EXOC4: variants seen among roughly 807,000 people sequenced by gnomAD.
The protein encoded by EXOC4 is SEC8-like 1.
EXOC4 carries 71 observed loss-of-function variants against 107.2 expected under a neutral mutation model. That is an observed-to-expected ratio of 0.66 (90% CI 0.55 to 0.81). EXOC4 has a LOEUF of 0.81. EXOC4 is among the 30% of genes least tolerant of loss of function. The pLI is 0.00. For missense variants in EXOC4, 1,108 were observed against 1,189.6 expected, an observed-to-expected ratio of 0.93 and a Z score of 1.01; for synonymous variants, 456 against 441.2, an observed-to-expected ratio of 1.03 and a Z score of -0.42.
At chr7:133,345,055 G>C (rs1795753358) in intron 5 of EXOC4, among the ~76,000 whole-genome samples, 3 of 152,128 alleles carry the variant, frequency 2.0e-5, no homozygotes, top group Admixed American at 2.0e-4. Context: ...AGGAAATATT[G>C]AAAGATGGAG....
intron 4 of EXOC4, among the ~76,000 whole-genome samples, chr7:133,316,070 A>G (rs973078284): frequency 6.6e-6 from 1 of 152,214 alleles, no homozygotes; most frequent in Non-Finnish European, 1.5e-5. Context: ...ACTCTTTAAC[A>G]CAGTGTGAAA....
At position 133,997,543 on chromosome 7, in the gene EXOC4, C is replaced by CAA. The variant is rs1208998913; in HGVS notation, c.2259_2260insAA (p.Glu754LysfsTer30). ...ACGAACACGGATCTCCCCCCAGTGT[C>CAA]AGAGCAGATCATGCAGACTCTCAGT... On this transcript the variant is annotated frameshift_variant, in exon 15 of 18. Coordinates refer to ENST00000253861, the MANE Select transcript of EXOC4 (RefSeq NM_021807.4). LOFTEE classifies it high-confidence loss of function. The CAA allele has an allele frequency of 1.2e-6, 2 of 1,613,680 alleles. No individual in the cohort carries two copies. Among genetic ancestry groups the CAA allele is most frequent in the Non-Finnish European group, 1.7e-6 (2 of 1,179,810 alleles).
intron 11 of EXOC4, among the ~76,000 whole-genome samples, chr7:133,859,937 G>A (rs1798498092): frequency 6.6e-6 from 1 of 152,080 alleles, no homozygotes; most frequent in Non-Finnish European, 1.5e-5. Context: ...AAAGATTTGT[G>A]CTGTCTTCTA....
Position 133,328,503 on chromosome 7 carries a change from AGTTTTTTCATAGT to A in EXOC4, c.763+11116_763+11128del, listed in dbSNP as rs980076428. On this transcript the variant is annotated intron_variant, in intron 5 of 17. Coordinates refer to ENST00000253861, the MANE Select transcript of EXOC4 (RefSeq NM_021807.4). ...AGTTGGTTATTTTGCCTGTTGATGC[AGTTTTTTCATAGT>A]GTCAATGGTCTTTACAGTTTGGTAT... Among the ~76,000 whole-genome samples, 62 of 152,222 alleles carry A rather than the reference AGTTTTTTCATAGT, an allele frequency of 4.1e-4. 1 individual carries two copies. Among genetic ancestry groups the A allele is most frequent in the Middle Eastern group, 3.4e-3 (1 of 294 alleles).
At chr7:133,767,931 G>A (rs978933210) in intron 10 of EXOC4, among the ~76,000 whole-genome samples, 30 of 151,846 alleles carry the variant, frequency 2.0e-4, no homozygotes, top group African/African-American at 7.0e-4. Flanking sequence ...TTCTAGATTC[G>A]GTTAAAGTAG....
rs763026595 is a variant in EXOC4 at position 133,375,022 on chromosome 7, G to T, written c.1182+20G>T. On this transcript the variant is annotated intron_variant, in intron 7 of 17. Transcript: ENST00000253861. ...CTACAGGTAAGAGCCTTTTACAAAG[G>T]GTGTCATCTTGATTCAGAGTAACAG... 8 of 1,600,160 alleles carry T rather than the reference G, an allele frequency of 5.0e-6. No homozygotes were observed. The highest frequency in any genetic ancestry group is 6.8e-6 in the Non-Finnish European group (8 of 1,171,936).
chr7:133,895,621 C>T lies in EXOC4; in HGVS notation c.1757C>T (p.Thr586Ile). Residue 586 changes from threonine (T) to isoleucine (I), a missense_variant, in exon 12 of 18, where the codon ACA becomes ATA. By Grantham distance (89) the Thr-to-Ile change is moderately conservative. Transcript: ENST00000253861. The stretch of plus-strand genomic sequence containing the variant: ...CAGAGCACAATCATTGTGGAGAAGA[C>T]AGTTCAAGACCTCCTGAACCTGATG... ...LLQSTIIVEK[T>I]VQDLLNLMHD... 1 of 1,613,942 alleles carries T rather than the reference C, an allele frequency of 6.2e-7. No homozygotes were observed. The highest frequency in any genetic ancestry group is 1.1e-5 in the South Asian group (1 of 91,060).
At chr7:133,585,578 A>T (rs1801383780) in intron 9 of EXOC4, among the ~76,000 whole-genome samples, 1 of 151,912 alleles carries the variant, frequency 6.6e-6, no homozygotes, top group Non-Finnish European at 1.5e-5. Flanking sequence ...GTGAGCTGTG[A>T]CCACACCACT....
At chr7:133,474,146 T>C (rs1425203523) in intron 7 of EXOC4, among the ~76,000 whole-genome samples, 1 of 152,208 alleles carries the variant, frequency 6.6e-6, no homozygotes, top group Non-Finnish European at 1.5e-5. Context: ...TTTATAACTC[T>C]TCCTTCTTAT....
chr7:133,686,889 G>A (rs767608835), intron 10 of EXOC4, among the ~76,000 whole-genome samples: 4 of 151,938 alleles, frequency 2.6e-5, no homozygotes, highest in Non-Finnish European at 5.9e-5. Flanking sequence ...GTCATTATAC[G>A]AAAAAGATAC....
At chr7:134,067,138 A>G (rs1388826352), downstream of EXOC4, among the ~76,000 whole-genome samples, 1 of 134,512 alleles carries the variant, frequency 7.4e-6, no homozygotes, top group African/African-American at 2.9e-5. Flanking sequence ...CGACAGAGCG[A>G]CACTCTGTCT....
chr7:134,071,002 G>A (rs1208470844), downstream of EXOC4, among the ~76,000 whole-genome samples: 1 of 152,210 alleles, frequency 6.6e-6, no homozygotes, highest in Non-Finnish European at 1.5e-5. Flanking sequence ...TACTGTGTGA[G>A]AGAGATCAGG....
At chr7:134,090,976 G>T in the EXOC4 span, among the ~76,000 whole-genome samples, 5 of 151,866 alleles carry the variant, frequency 3.3e-5, no homozygotes, top group African/African-American at 9.7e-5. Flanking sequence ...CCAGGTATAT[G>T]CACCCCACTT....
intron 15 of EXOC4, among the ~76,000 whole-genome samples, chr7:133,999,962 T>C (rs1466837139): frequency 1.3e-5 from 2 of 152,180 alleles, no homozygotes; most frequent in Non-Finnish European, 2.9e-5. Context: ...TCTTCAACAT[T>C]AGTCTAAAAA....
At chr7:133,715,255 C>A (rs1794976091) in intron 10 of EXOC4, among the ~76,000 whole-genome samples, 1 of 152,122 alleles carries the variant, frequency 6.6e-6, no homozygotes, top group South Asian at 2.1e-4. Flanking sequence ...TAAAGTAGTT[C>A]CCCTGCTTTA....
intron 10 of EXOC4, among the ~76,000 whole-genome samples, chr7:133,747,786 G>A (rs975958727): frequency 7.9e-5 from 12 of 151,936 alleles, no homozygotes; most frequent in Admixed American, 2.6e-4. Context: ...GTTGCTCCCC[G>A]CTCCTTCATC....
intron 10 of EXOC4, among the ~76,000 whole-genome samples, chr7:133,781,923 T>C (rs202097621): frequency 1.0e-5 from 1 of 95,304 alleles, no homozygotes; most frequent in East Asian, 3.2e-4. Context: ...ACAAAAAAGT[T>C]TTTATTGTGT....
chr7:134,073,503 A>T, the EXOC4 span, among the ~76,000 whole-genome samples: 1 of 151,876 alleles, frequency 6.6e-6, no homozygotes, highest in South Asian at 2.1e-4. Flanking sequence ...TGAAGGCTCC[A>T]CTACCCTTTA....
intron 12 of EXOC4, among the ~76,000 whole-genome samples, chr7:133,915,152 G>A (rs1446620384): frequency 6.6e-6 from 1 of 152,224 alleles, no homozygotes; most frequent in Admixed American, 6.5e-5. Flanking sequence ...AGACAGTGAA[G>A]TCAATTAGTG....
Sources: gnomAD v4.1 joint callset for allele counts (sites outside exome capture counted in the v4.1 genomes callset) on GRCh38, gnomAD v4.1.1 for gene constraint, MANE v1.5 for transcripts, NCBI Gene and HGNC (gene_info 2026-07-23, HGNC 2026-07-21) for gene names.